Variants in CPED1 observed in about 807,000 individuals in gnomAD.
The protein encoded by CPED1 is cadherin like and PC-esterase domain containing 1, also known as cadherin-like and PC-esterase domain-containing protein 1.
In CPED1, 114 loss-of-function variants were observed where a neutral mutation model predicts 128.2. The observed-to-expected ratio is 0.89, with a 90% CI of 0.76 to 1.04. The LOEUF (loss-of-function observed/expected upper bound fraction) is 1.04. CPED1 is among the 50% of genes least tolerant of loss of function. CPED1 has a pLI of 0.00. For missense variants in CPED1, 1,211 were observed against 1,207.1 expected, an observed-to-expected ratio of 1.00 and a Z score of -0.05; for synonymous variants, 462 against 426.7, an observed-to-expected ratio of 1.08 and a Z score of -1.02.
At chr7:121,094,111 C>A (rs553896036) in intron 5 of CPED1, among the ~76,000 whole-genome samples, 2 of 152,288 alleles carry the variant, frequency 1.3e-5, no homozygotes, top group African/African-American at 4.8e-5. Flanking sequence ...GCAGGAGGAA[C>A]AATTAATGTA....
intron 3 of CPED1, among the ~76,000 whole-genome samples, chr7:121,018,633 A>C (rs1792363964): frequency 6.6e-6 from 1 of 152,008 alleles, no homozygotes; most frequent in Admixed American, 6.6e-5. Context: ...TAGGACAATA[A>C]ATATAGAAGG....
intron 16 of CPED1, among the ~76,000 whole-genome samples, chr7:121,142,405 C>T (rs758693745): frequency 6.6e-6 from 1 of 151,910 alleles, no homozygotes; most frequent in Non-Finnish European, 1.5e-5. Context: ...TGTCTGAGGA[C>T]TCACACTTAG....
At chr7:121,138,704 C>T (rs1397905243) in intron 14 of CPED1, among the ~76,000 whole-genome samples, 2 of 152,018 alleles carry the variant, frequency 1.3e-5, no homozygotes, top group Non-Finnish European at 2.9e-5. Context: ...AGTTAAAGCA[C>T]ATCTTCTATG....
At chr7:121,117,085 A>G (rs1277061858) in intron 7 of CPED1, among the ~76,000 whole-genome samples, 1 of 143,448 alleles carries the variant, frequency 7.0e-6, no homozygotes, top group Non-Finnish European at 1.5e-5. Context: ...CATTATATAT[A>G]TATATATATA....
At chr7:121,004,180 G>C (rs772556902) in intron 2 of CPED1, among the ~76,000 whole-genome samples, 1 of 152,172 alleles carries the variant, frequency 6.6e-6, no homozygotes, top group Non-Finnish European at 1.5e-5. Flanking sequence ...GCTCAAGGGA[G>C]CCCTGGATTT....
At chr7:121,153,820 T>G (rs1435802678) in intron 16 of CPED1, among the ~76,000 whole-genome samples, 1 of 152,136 alleles carries the variant, frequency 6.6e-6, no homozygotes, top group African/African-American at 2.4e-5. Context: ...ATTGAAAAAT[T>G]TTTTGAAGAT....
chr7:121,134,959 T>TG (rs1341752352), intron 13 of CPED1, among the ~76,000 whole-genome samples: 1 of 152,026 alleles, frequency 6.6e-6, no homozygotes, highest in Non-Finnish European at 1.5e-5. Context: ...AAAATAGAGT[T>TG]CATTACTATT....
intron 22 of CPED1, among the ~76,000 whole-genome samples, chr7:121,291,550 CT>C (rs1792702470): frequency 6.6e-6 from 1 of 152,076 alleles, no homozygotes; most frequent in Non-Finnish European, 1.5e-5. Flanking sequence ...GTATTTTATT[CT>C]CTTTGTAGCA....
At chr7:121,024,413 G>A (rs1792517501) in intron 3 of CPED1, among the ~76,000 whole-genome samples, 1 of 152,152 alleles carries the variant, frequency 6.6e-6, no homozygotes, top group Non-Finnish European at 1.5e-5. Flanking sequence ...AAATGGGTTA[G>A]CTCTTACAAC....
At chr7:121,090,398 G>C (rs564047090) in intron 5 of CPED1, among the ~76,000 whole-genome samples, 3 of 152,116 alleles carry the variant, frequency 2.0e-5, no homozygotes, top group Non-Finnish European at 4.4e-5. Flanking sequence ...CATACTATTC[G>C]TATTTGTGGT....
chr7:121,130,256 G>T lies in CPED1; in HGVS notation c.1539G>T (p.Gln513His). The T allele has an allele frequency of 6.2e-7, 1 of 1,608,148 alleles. No individual in the cohort carries two copies. Among genetic ancestry groups the T allele is most frequent in the Non-Finnish European group, 8.5e-7 (1 of 1,177,704 alleles). The change falls in exon 12 of 23, where the codon CAG becomes CAT. Residue 513 changes from glutamine (Q) to histidine (H), a missense_variant. Coordinates refer to ENST00000310396, the MANE Select transcript of CPED1 (RefSeq NM_024913.5). ...WSLLNVFEQF[Q>H]FMNKKTQPHP... ...TTTTAAATGTATTTGAACAATTTCA[G>T]TTCATGAATAAAAAGACACAGCCAC...
chr7:121,239,537 A>G (rs1242516491), intron 17 of CPED1, among the ~76,000 whole-genome samples: 1 of 152,220 alleles, frequency 6.6e-6, no homozygotes, highest in Non-Finnish European at 1.5e-5. Flanking sequence ...ATATGTAAAC[A>G]ATTTAAAAAA....
At chr7:121,214,541 G>A (rs924172398) in intron 16 of CPED1, among the ~76,000 whole-genome samples, 33 of 152,112 alleles carry the variant, frequency 2.2e-4, no homozygotes, top group African/African-American at 7.9e-4. Flanking sequence ...TGATCCACCT[G>A]CCTTGGCCTC....
At chr7:121,003,750 G>A (rs1791928797) in intron 2 of CPED1, among the ~76,000 whole-genome samples, 1 of 152,120 alleles carries the variant, frequency 6.6e-6, no homozygotes, top group South Asian at 2.1e-4. Flanking sequence ...GAGAGTTCTT[G>A]GATCTCAGTC....
At chr7:121,126,976 G>T in intron 9 of CPED1, 114 bp from the exon 10 acceptor site, 2 of 693,890 alleles carry the variant, frequency 2.9e-6, no homozygotes, top group Non-Finnish European at 4.4e-6. Flanking sequence ...AAGACCACTA[G>T]ATGTCAGTTC....
At chr7:120,992,357 C>T (rs1353736223) in intron 2 of CPED1, among the ~76,000 whole-genome samples, 1 of 151,958 alleles carries the variant, frequency 6.6e-6, no homozygotes, top group Non-Finnish European at 1.5e-5. Flanking sequence ...TGATTTTGAC[C>T]TAGGGTTCAT....
rs76200182 is a variant in CPED1, at chr7:121,133,832, C to T, written c.1587C>T (p.Phe529=). The part of the protein sequence containing the change: ...TQPHPLEWNS[F]TEDKNIEKPQ... ...GGCATTGCATTTGCAGGAATTCTTTCACAGAAGATAAGAACATTGAAAAAC... is the reference window on the plus strand; with the variant it reads ...GGCATTGCATTTGCAGGAATTCTTTTACAGAAGATAAGAACATTGAAAAAC... The change falls in exon 13 of 23, where the codon TTC becomes TTT. Residue 529 remains phenylalanine (F), a synonymous_variant. Coordinates refer to ENST00000310396, the MANE Select transcript of CPED1 (RefSeq NM_024913.5). The T allele has an allele frequency of 7.1e-5, 113 of 1,597,736 alleles. No homozygotes were observed. The African/African-American group carries it at 1.5e-3, about 21-fold the overall frequency.
chr7:121,037,693 G>A (rs937854227), intron 3 of CPED1, among the ~76,000 whole-genome samples: 3 of 152,020 alleles, frequency 2.0e-5, no homozygotes, highest in African/African-American at 7.3e-5. Flanking sequence ...ATATTTTGAT[G>A]GGAATTGCAT....
At chr7:121,232,715 A>G (rs1798165743) in intron 16 of CPED1, among the ~76,000 whole-genome samples, 1 of 152,080 alleles carries the variant, frequency 6.6e-6, no homozygotes. Flanking sequence ...CTTACTGGAA[A>G]TGGCAGTAGC....
Sources: gnomAD v4.1 joint callset for allele counts (sites outside exome capture counted in the v4.1 genomes callset) on GRCh38, gnomAD v4.1.1 for gene constraint, MANE v1.5 for transcripts, NCBI Gene and HGNC (gene_info 2026-07-23, HGNC 2026-07-21) for gene names.